ATP9A: variants seen among roughly 807,000 people sequenced by gnomAD.
The protein encoded by ATP9A is ATPase phospholipid transporting 9A.
Under a neutral mutation model 144.1 loss-of-function variants are expected in ATP9A, and 52 were observed. That is an observed-to-expected ratio of 0.36 (90% CI 0.29 to 0.45). The LOEUF (loss-of-function observed/expected upper bound fraction) is 0.45, where lower values mean the gene tolerates loss of function less well. Among genes scored for constraint, ATP9A ranks in the 20% least tolerant of loss-of-function variants. The pLI is 1.00. For missense variants in ATP9A, 947 were observed against 1,392.7 expected (o/e 0.68, Z 5.09); for synonymous variants, 582 against 557.4 (o/e 1.04, Z -0.62).
At position 51,617,524 on chromosome 20, in the gene ATP9A, T is replaced by A; in HGVS notation, c.2381A>T (p.Gln794Leu). Residue 794 changes from glutamine to leucine, a missense_variant, in exon 22 of 28, where the codon CAG (glutamine) becomes CTG (leucine). Gln to Leu is a moderately radical substitution (Grantham distance 113, BLOSUM62 -2). This residue lies in a region of ATP9A where 177 missense variants were observed against 344.9 expected (regional missense o/e 0.51). Coordinates refer to ENST00000338821, the MANE Select transcript of ATP9A (RefSeq NM_006045.3). Reference sequence around the variant, plus strand: ...CACTCCCACGCCGCAGTCAGATTCCTGAATCATGCTGACGTCATTGCCTCC... The same window carrying A: ...CACTCCCACGCCGCAGTCAGATTCCAGAATCATGCTGACGTCATTGCCTCC... ...GDGGNDVSMI[Q>L]ESDCGVGVEG... is the part of the protein sequence containing the mutation. 6.2e-7 allele frequency: 1 copy of A among 1,612,176 alleles called. No individual in the cohort carries two copies. The highest frequency in any genetic ancestry group is 8.5e-7 in the Non-Finnish European group (1 of 1,179,194).
intron 9 of ATP9A, among the ~76,000 whole-genome samples, chr20:51,682,914 A>G (rs6096529): frequency 0.26 from 38,050 of 148,888 alleles, 5,277 homozygotes; most frequent in Non-Finnish European, 0.3. Flanking sequence ...AACATGGTAA[A>G]ACCTCATCTT....
Position 51,695,011 on chromosome 20 carries a change from C to T in ATP9A, c.548-909G>A, listed in dbSNP as rs2077564554. ...AATCTAGTGCCTTTTATCTCCTGTC[C>T]TGATTACATATTAGTATAAAATTTT... On this transcript the variant is annotated intron_variant, in intron 6 of 27. Transcript: ENST00000338821. 1.3e-5 allele frequency among the ~76,000 whole-genome samples: 2 copies of T among 152,048 alleles called. 1 individual carries two copies. The highest frequency in any genetic ancestry group is 4.2e-4 in the South Asian group (2 of 4,812).
intron 6 of ATP9A, 94 bp downstream of exon 6, chr20:51,695,999 G>T: frequency 8.3e-7 from 1 of 1,198,818 alleles, no homozygotes. Flanking sequence ...GCTCCAAAAT[G>T]ATAATCTACT....
At chr20:51,766,906 T>C (rs947237394) in intron 1 of ATP9A, among the ~76,000 whole-genome samples, 4 of 151,820 alleles carry the variant, frequency 2.6e-5, no homozygotes, top group South Asian at 2.1e-4. Context: ...GGAACTATCT[T>C]TGGGTCAGAC....
chr20:51,718,375 G>T (rs543366971), intron 3 of ATP9A, among the ~76,000 whole-genome samples: 347 of 150,566 alleles, frequency 2.3e-3, no homozygotes, highest in South Asian at 3.4e-3. Flanking sequence ...TGTGTGTGTG[G>T]GGGGGGGTTG....
chr20:51,653,564 T>C lies in ATP9A; in HGVS notation c.1506+3374A>G, dbSNP rs370384309. On this transcript the variant is annotated intron_variant, in intron 14 of 27. Transcript: ENST00000338821. ...ACTTTAGGAGGCTGAGGCAGAGAGA[T>C]CACTTAAGCTCAGGAGTTTGAGACC... is the stretch of plus-strand genomic sequence containing the variant. 1.1e-4 allele frequency among the ~76,000 whole-genome samples: 16 copies of C among 152,154 alleles called. 2 individuals carry two copies. The highest frequency in any genetic ancestry group is 9.7e-4 in the East Asian group (5 of 5,164).
At chr20:51,607,970 G>A (rs1031317036) in intron 25 of ATP9A, among the ~76,000 whole-genome samples, 4 of 151,760 alleles carry the variant, frequency 2.6e-5, no homozygotes, top group African/African-American at 9.7e-5. Flanking sequence ...CTTGAACCCA[G>A]GAGGTGGATG....
At chr20:51,735,212 T>C (rs1299947145) in intron 1 of ATP9A, 1 of 152,208 alleles carries the variant, frequency 6.6e-6, no homozygotes, top group African/African-American at 2.4e-5. Context: ...AAAATAGCGC[T>C]GTGTGCACAA....
intron 13 of ATP9A, among the ~76,000 whole-genome samples, chr20:51,666,435 C>T (rs2077433134): frequency 6.6e-6 from 1 of 152,172 alleles, no homozygotes; most frequent in Non-Finnish European, 1.5e-5. Flanking sequence ...AATCCCAGCA[C>T]TTTGGGAAGC....
At chr20:51,748,529 A>G (rs1298519543) in intron 1 of ATP9A, among the ~76,000 whole-genome samples, 3 of 152,352 alleles carry the variant, frequency 2.0e-5, no homozygotes, top group Middle Eastern at 3.4e-3. Context: ...TAAATATTAT[A>G]CAAAACTAAA....
At chr20:51,763,119 C>T (rs371908416) in intron 1 of ATP9A, among the ~76,000 whole-genome samples, 2 of 152,076 alleles carry the variant, frequency 1.3e-5, no homozygotes, top group East Asian at 1.9e-4. Flanking sequence ...CATTGATAGA[C>T]AATTTCCAGA....
chr20:51,727,153 A>G (rs2426390), intron 2 of ATP9A, among the ~76,000 whole-genome samples: 148,128 of 151,614 alleles, frequency 0.98, 72,382 homozygotes, highest in East Asian at 1. Flanking sequence ...TTAGCCAGGC[A>G]CCTATAGGCT....
chr20:51,763,817 C>T lies in ATP9A; in HGVS notation c.68+4485G>A, dbSNP rs143861430. Among the ~76,000 whole-genome samples, 6 of 152,244 alleles carry T rather than the reference C, an allele frequency of 3.9e-5. No individual in the cohort carries two copies. In the East Asian group the frequency reaches 1.2e-3, roughly 29 times the overall value. ...GCCACCCACAAAACGTAGATTGTTA[C>T]AATGAGGCAAAGTCTTGGGCCACCT... On this transcript the variant is annotated intron_variant, in intron 1 of 27. Transcript: ENST00000338821.
chr20:51,767,606 G>T (rs984887825), intron 1 of ATP9A, among the ~76,000 whole-genome samples: 1 of 152,212 alleles, frequency 6.6e-6, no homozygotes, highest in Non-Finnish European at 1.5e-5. Flanking sequence ...TGCGGGAAGG[G>T]CACAGCAGGT....
rs1030325130 is a variant in ATP9A, at chr20:51,601,096, T to C, written c.*115A>G. On this transcript the variant is annotated 3_prime_UTR_variant, in exon 28 of 28. Transcript: ENST00000338821. Reference sequence around the variant, plus strand: ...GCGCAGAGCCACTTCCCATTAAAACTGCATGTGTTAGCAATTACTGCAAAA... The same window carrying C: ...GCGCAGAGCCACTTCCCATTAAAACCGCATGTGTTAGCAATTACTGCAAAA... 18 of 1,312,062 alleles carry C rather than the reference T, an allele frequency of 1.4e-5. No individual in the cohort carries two copies. Among genetic ancestry groups the C allele is most frequent in the Non-Finnish European group, 1.9e-5 (18 of 970,508 alleles). 81.3% of individuals were successfully genotyped at this position (1,312,062 alleles called of 1,614,324 possible). A position where few individuals can be genotyped will look rare whatever the true frequency, so the allele number is the denominator to read the frequency against.
chr20:51,602,782 T>A (rs2087348201), intron 27 of ATP9A, among the ~76,000 whole-genome samples: 1 of 152,198 alleles, frequency 6.6e-6, no homozygotes, highest in South Asian at 2.1e-4. Flanking sequence ...TATTGCCCCT[T>A]AAGGAACATT....
At chr20:51,622,021 T>C (rs2122724682) in intron 19 of ATP9A, 53 bp downstream of exon 19, 2 of 1,517,234 alleles carry the variant, frequency 1.3e-6, no homozygotes. Flanking sequence ...TAGGAGGTTA[T>C]AGGACAAATC....
Position 51,726,002 on chromosome 20 carries a change from G to T in ATP9A, c.214-70C>A. 3.1e-6 allele frequency: 3 copies of T among 965,820 alleles called. No homozygotes were observed. In the South Asian group the frequency reaches 4.1e-5, roughly 13 times the overall value. The allele number at this position is 965,820 out of a possible 1,614,324, so 59.8% of individuals were successfully genotyped here. ...TGATGAGATCTGGAACATTTGGTGG[G>T]AAATGAATAACATCTAAAAACATTC... On this transcript the variant is annotated intron_variant, in intron 2 of 27. Coordinates refer to ENST00000338821, the MANE Select transcript of ATP9A (RefSeq NM_006045.3).
intron 10 of ATP9A, 35 bp downstream of exon 10, chr20:51,676,097 C>T (rs1200233257): frequency 3.8e-6 from 6 of 1,561,588 alleles, no homozygotes; most frequent in African/African-American, 2.7e-5. Context: ...AACCAGCCCA[C>T]AGCCGGTCAA....
Sources: allele counts gnomAD v4.1 joint callset (sites outside exome capture counted in the v4.1 genomes callset), GRCh38; gene constraint gnomAD v4.1.1; regional missense constraint gnomAD v4.1.1; transcripts MANE v1.5; gene names NCBI Gene and HGNC (gene_info 2026-07-23, HGNC 2026-07-21).